PRR5: variants seen among roughly 807,000 people sequenced by gnomAD.
PRR5 encodes proline rich 5, also known as proline-rich protein 5.
In PRR5, 25 loss-of-function variants were observed where a neutral mutation model predicts 30.6. That is an observed-to-expected ratio of 0.82 (90% confidence interval 0.60 to 1.14). PRR5 has a LOEUF of 1.14. Among genes scored for constraint, PRR5 ranks in the 50% most tolerant of loss-of-function variants. PRR5 has a pLI of 0.00. For missense variants in PRR5, 600 were observed against 547.1 expected (o/e 1.10, Z -0.96); for synonymous variants, 286 against 247.1 (o/e 1.16, Z -1.48).
intron 1 of PRR5, among the ~76,000 whole-genome samples, chr22:44,707,903 G>C (rs927340181): frequency 4.6e-5 from 7 of 152,156 alleles, no homozygotes; most frequent in African/African-American, 1.7e-4. Flanking sequence ...CCTTCTGCTT[G>C]AAGTGGAGGC....
At chr22:44,726,191 G>A (rs1343573932) in intron 3 of PRR5, among the ~76,000 whole-genome samples, 3 of 152,228 alleles carry the variant, frequency 2.0e-5, no homozygotes, top group Admixed American at 6.5e-5. Context: ...TGCGTCCAGG[G>A]TCCCTGAGGT....
chr22:44,715,657 G>A (rs1282505781), intron 2 of PRR5, among the ~76,000 whole-genome samples: 2 of 152,020 alleles, frequency 1.3e-5, no homozygotes, highest in East Asian at 1.9e-4. Flanking sequence ...GTGGGGGGCA[G>A]TTTGGTTTGG....
At chr22:44,675,900 G>T (rs996922729), upstream of PRR5, among the ~76,000 whole-genome samples, 1 of 151,710 alleles carries the variant, frequency 6.6e-6, no homozygotes, top group Non-Finnish European at 1.5e-5. Context: ...TCATGTTTAT[G>T]ATTTGATTCC....
At chr22:44,682,933 T>C (rs928563702) in intron 1 of PRR5, among the ~76,000 whole-genome samples, 4 of 152,206 alleles carry the variant, frequency 2.6e-5, no homozygotes, top group Non-Finnish European at 5.9e-5. Flanking sequence ...GAGAAGACTT[T>C]GGTGGATTAG....
intron 1 of PRR5, among the ~76,000 whole-genome samples, chr22:44,680,456 C>T (rs1456828222): frequency 6.6e-6 from 1 of 152,168 alleles, no homozygotes; most frequent in Admixed American, 6.5e-5. Flanking sequence ...AACAGGAGGG[C>T]TGGTCCCTGC....
intron 1 of PRR5, among the ~76,000 whole-genome samples, chr22:44,706,255 ATTGATTGATT>A (rs1252409553): frequency 3.9e-5 from 6 of 152,180 alleles, no homozygotes; most frequent in African/African-American, 1.4e-4. Context: ...TCATTGATTG[ATTGATTGATT>A]CATTCATTCA....
intron 1 of PRR5, among the ~76,000 whole-genome samples, chr22:44,680,586 TC>T (rs1293246024): frequency 6.6e-6 from 1 of 152,076 alleles, no homozygotes; most frequent in Non-Finnish European, 1.5e-5. Flanking sequence ...GCCTTTGTCC[TC>T]CCCACCCTGG....
intron 1 of PRR5, among the ~76,000 whole-genome samples, chr22:44,710,662 A>G (rs1321650079): frequency 6.6e-6 from 1 of 151,994 alleles, no homozygotes; most frequent in African/African-American, 2.4e-5. Context: ...CCCTTAGCCT[A>G]CCTTCTCCCA....
chr22:44,737,339 G>T lies in PRR5; in HGVS notation c.*92G>T. The T allele has an allele frequency of 2.7e-6, 4 of 1,479,970 alleles. No homozygotes were observed. Among genetic ancestry groups the T allele is most frequent in the Non-Finnish European group, 3.6e-6 (4 of 1,116,366 alleles). The allele number at this position is 1,479,970 out of a possible 1,614,324, so 91.7% of individuals were successfully genotyped here. On this transcript the variant is annotated 3_prime_UTR_variant, in exon 8 of 8. Coordinates refer to ENST00000336985, the MANE Select transcript of PRR5 (RefSeq NM_181333.4). ...TGTGTGAGTGAGACTTTTTTACTGC[G>T]TCCCGTCCCGCCAGCCCTATCGGCC...
chr22:44,710,518 T>C (rs998667720), intron 1 of PRR5, among the ~76,000 whole-genome samples: 1 of 152,196 alleles, frequency 6.6e-6, no homozygotes, highest in Non-Finnish European at 1.5e-5. Flanking sequence ...GGCCCGTCTT[T>C]GCAGGGCCCA....
intron 2 of PRR5, among the ~76,000 whole-genome samples, chr22:44,715,945 G>A (rs891543802): frequency 3.9e-5 from 6 of 152,130 alleles, no homozygotes; most frequent in Non-Finnish European, 7.4e-5. Context: ...CACCATGCCC[G>A]GCCAGCTGGG....
intron 4 of PRR5, 82 bp downstream of exon 4, chr22:44,726,716 G>T: frequency 4.4e-6 from 7 of 1,598,340 alleles, no homozygotes; most frequent in Non-Finnish European, 6.0e-6. Context: ...CGTGCTGGGG[G>T]CCTCTGGGTG....
Position 44,726,645 on chromosome 22 carries a change from G to A in PRR5, c.322+11G>A. 1 of 1,614,010 alleles carries A rather than the reference G, an allele frequency of 6.2e-7. No homozygotes were observed. The highest frequency in any genetic ancestry group is 8.5e-7 in the Non-Finnish European group (1 of 1,180,038). ...TTCGCTTCTATGAGGGTGAGTGTGG[G>A]CCCCTTGGCGGCCACTCTGGGCCAT... On this transcript the variant is annotated intron_variant, in intron 4 of 7. Coordinates refer to ENST00000336985, the MANE Select transcript of PRR5 (RefSeq NM_181333.4).
intron 3 of PRR5, 86 bp from the exon 4 acceptor site, chr22:44,726,491 G>A: frequency 3.8e-6 from 6 of 1,598,818 alleles, no homozygotes; most frequent in Non-Finnish European, 5.1e-6. Context: ...CTGCTCACTG[G>A]TGGATGGACT....
intron 1 of PRR5, among the ~76,000 whole-genome samples, chr22:44,705,162 G>C (rs1320372559): frequency 1.3e-5 from 2 of 152,154 alleles, no homozygotes; most frequent in Non-Finnish European, 2.9e-5. Context: ...CACAGTTCTG[G>C]AGCCAGAAGC....
intron 2 of PRR5, among the ~76,000 whole-genome samples, chr22:44,718,145 T>C (rs1360883834): frequency 6.6e-6 from 1 of 151,750 alleles, no homozygotes; most frequent in Non-Finnish European, 1.5e-5. Flanking sequence ...AACGCTGCTG[T>C]GAACATCTGT....
Position 44,731,719 on chromosome 22 carries a change from C to A in PRR5, c.323-11C>A, listed in dbSNP as rs1202243475. ...AGTCAGGCCCAGTGGTGATGGCCCCCATGCCCACAGGACAGAAGCTGCTGG... is the reference window on the plus strand; with the variant it reads ...AGTCAGGCCCAGTGGTGATGGCCCCAATGCCCACAGGACAGAAGCTGCTGG... On this transcript the variant is annotated splice_polypyrimidine_tract_variant and intron_variant, in intron 4 of 7. Coordinates refer to ENST00000336985, the MANE Select transcript of PRR5 (RefSeq NM_181333.4). 6.2e-7 allele frequency: 1 copy of A among 1,613,606 alleles called. No homozygotes were observed. Among genetic ancestry groups the A allele is most frequent in the Non-Finnish European group, 8.5e-7 (1 of 1,179,906 alleles).
rs188671531 is a variant in PRR5, at chr22:44,696,586, C to G, written c.-10-5906C>G. Among the ~76,000 whole-genome samples, 8 of 152,216 alleles carry G rather than the reference C, an allele frequency of 5.3e-5. No homozygotes were observed. The East Asian group carries it at 1.5e-3, about 29-fold the overall frequency. ...AAGGAGGGCACGTGTCTTGGGTGCA[C>G]AGAACCAGACCACCAGGGTGGAGAA... is the stretch of plus-strand genomic sequence containing the variant. On this transcript the variant is annotated intron_variant, in intron 1 of 8. Coordinates refer to the PRR5 transcript ENST00000006251.
chr22:44,727,049 T>G (rs939218337), intron 4 of PRR5, among the ~76,000 whole-genome samples: 1 of 151,924 alleles, frequency 6.6e-6, no homozygotes, highest in Admixed American at 6.5e-5. Flanking sequence ...TCAGCTGAAT[T>G]TTCTCTGTCG....
Sources: gnomAD v4.1 joint callset for allele counts (sites outside exome capture counted in the v4.1 genomes callset) on GRCh38, gnomAD v4.1.1 for gene constraint, MANE v1.5 for transcripts, NCBI Gene and HGNC (gene_info 2026-07-23, HGNC 2026-07-21) for gene names.